The following MTCL1 variants were observed in gnomAD, a reference collection of about 807,000 sequenced individuals.
MTCL1 encodes microtubule cross-linking factor 1.
In MTCL1, 79 loss-of-function variants were observed where a neutral mutation model predicts 141.4. The ratio of observed to expected loss-of-function variants is 0.56; its 90% CI spans 0.47 to 0.67. The LOEUF is 0.67. Among genes scored for constraint, MTCL1 ranks in the 30% least tolerant of loss-of-function variants. MTCL1 has a pLI of 0.00. For missense variants in MTCL1, 2,177 were observed against 2,113.9 expected (o/e 1.03, Z -0.59); for synonymous variants, 914 against 875.8 (o/e 1.04, Z -0.77).
In MTCL1 at chr18:8,786,117, C is replaced by CG. The variant is rs772854015; in HGVS notation, c.1887+26_1887+27insG. 5.7e-5 allele frequency: 79 copies of CG among 1,394,762 alleles called. No homozygotes were observed. In the African/African-American group the frequency reaches 7.0e-4, roughly 12 times the overall value. The allele number at this position is 1,394,762 out of a possible 1,614,324, so 86.4% of individuals were successfully genotyped here. A position where few individuals can be genotyped will look rare whatever the true frequency, so the allele number is the denominator to read the frequency against. On this transcript the variant is annotated intron_variant, in intron 7 of 16. Coordinates refer to ENST00000359865, the Ensembl canonical transcript of MTCL1. The stretch of plus-strand genomic sequence containing the variant: ...GTCAGCGTGGGCAAGCAATCCCCCC[C>CG]CCCCGCCCTCCCCCTCCTTTTTCTG...
At chr18:8,735,825 C>T (rs56694352) in intron 4 of MTCL1, among the ~76,000 whole-genome samples, 2,223 of 152,216 alleles carry the variant, frequency 0.015, 58 homozygotes, top group African/African-American at 0.047. Context: ...GGCGTGCCCC[C>T]GGTCATACAA....
chr18:8,708,372 G>T (rs1026113113), intron 1 of MTCL1, among the ~76,000 whole-genome samples: 5 of 152,160 alleles, frequency 3.3e-5, no homozygotes, highest in Non-Finnish European at 4.4e-5. Flanking sequence ...TTTTCCCAAT[G>T]AATGAAATGT....
Position 8,723,580 on chromosome 18 carries a change from G to C in MTCL1, c.357+3084G>C, listed in dbSNP as rs553997332. 1.5e-3 allele frequency among the ~76,000 whole-genome samples: 227 copies of C among 152,280 alleles called. 2 individuals are homozygous for C. Among genetic ancestry groups the C allele is most frequent in the African/African-American group, 5.2e-3 (216 of 41,552 alleles). ...CTGGAGCCACCACTCCCTTCTCTCT[G>C]AAGCCCTAGACTGTTTTCAGCTGCT... is the stretch of plus-strand genomic sequence containing the variant. On this transcript the variant is annotated intron_variant, in intron 4 of 16. Coordinates refer to ENST00000359865, the Ensembl canonical transcript of MTCL1.
intron 4 of MTCL1, among the ~76,000 whole-genome samples, chr18:8,734,570 A>T (rs950996132): frequency 6.6e-5 from 10 of 151,784 alleles, no homozygotes; most frequent in African/African-American, 2.4e-4. Context: ...CTTTTGCAAA[A>T]CACCCTTTTA....
chr18:8,808,375 G>T (rs901152215), intron 11 of MTCL1, among the ~76,000 whole-genome samples: 2 of 152,178 alleles, frequency 1.3e-5, no homozygotes, highest in African/African-American at 4.8e-5. Flanking sequence ...TGTAATCTTC[G>T]ATGCAAGCCA....
chr18:8,734,211 C>T (rs950840936), intron 4 of MTCL1, among the ~76,000 whole-genome samples: 3 of 151,934 alleles, frequency 2.0e-5, no homozygotes, highest in African/African-American at 7.3e-5. Flanking sequence ...GTAGCACCCC[C>T]CCTCCCCAAT....
chr18:8,718,694 C>T (rs373008249), intron 3 of MTCL1, 46 bp downstream of exon 2: 143 of 1,564,304 alleles, frequency 9.1e-5, no homozygotes, highest in East Asian at 1.3e-4. Flanking sequence ...TGCTGTGGAC[C>T]GGCTGGCCAC....
chr18:8,787,084 T>C (rs191414439), intron 7 of MTCL1: 2 of 152,840 alleles, frequency 1.3e-5, no homozygotes, highest in East Asian at 3.9e-4. Flanking sequence ...TCCTCCTGGA[T>C]TCTTCCTAGG....
chr18:8,795,899 G>A (rs537775078), intron 8 of MTCL1, among the ~76,000 whole-genome samples: 4 of 152,154 alleles, frequency 2.6e-5, no homozygotes, highest in East Asian at 3.9e-4. Flanking sequence ...TGCTTACACC[G>A]GATTCAAGTC....
In MTCL1 at chr18:8,718,322, A is replaced by G. The variant is rs969301936; in HGVS notation, c.-27-102A>G. On this transcript the variant is annotated intron_variant, in intron 2 of 16. Coordinates refer to ENST00000359865, the Ensembl canonical transcript of MTCL1. The stretch of plus-strand genomic sequence containing the variant: ...GCCATGAGGTGATGGGTAAGCGTGT[A>G]GGTATTCAATATTTAGTATTGAGGA... The G allele has an allele frequency of 1.5e-5, 17 of 1,145,316 alleles. No homozygotes were observed. In the Admixed American group the frequency reaches 3.0e-4, roughly 20 times the overall value. The allele number at this position is 1,145,316 out of a possible 1,614,324, so 70.9% of individuals were successfully genotyped here.
intron 9 of MTCL1, among the ~76,000 whole-genome samples, chr18:8,796,858 C>G (rs571181298): frequency 6.6e-6 from 1 of 152,274 alleles, no homozygotes; most frequent in South Asian, 2.1e-4. Context: ...CTGTTGGTTG[C>G]CTACTCAATG....
intron 4 of MTCL1, among the ~76,000 whole-genome samples, chr18:8,737,723 G>A (rs562841020): frequency 1.3e-5 from 2 of 152,298 alleles, no homozygotes; most frequent in South Asian, 4.1e-4. Context: ...TACCCATGGG[G>A]GGAAAGTAGC....
chr18:8,805,264 G>A (rs1051965434), intron 10 of MTCL1, among the ~76,000 whole-genome samples: 5 of 151,880 alleles, frequency 3.3e-5, no homozygotes, highest in East Asian at 1.9e-4. Flanking sequence ...CCCTCTCCTC[G>A]CAACCCCTTT....
At chr18:8,807,177 AAG>A (rs2076329578) in intron 11 of MTCL1, 117 bp downstream of exon 10, 3 of 1,108,576 alleles carry the variant, frequency 2.7e-6, no homozygotes, top group Admixed American at 2.7e-5. Flanking sequence ...CCAGGAAAAA[AAG>A]AGAGGAGTGG....
intron 8 of MTCL1, 147 bp downstream of exon 7, chr18:8,793,267 A>G (rs2075801267): frequency 1.5e-5 from 16 of 1,094,906 alleles, no homozygotes; most frequent in Non-Finnish European, 2.1e-5. Flanking sequence ...CACCCAGTCA[A>G]GCTGTCCCCT....
chr18:8,824,603 T>A (rs2076953747), intron 14 of MTCL1, 96 bp from the exon 14 acceptor site: 1 of 1,106,908 alleles, frequency 9.0e-7, no homozygotes, highest in African/African-American at 1.6e-5. Context: ...AGCGGGTGCC[T>A]TCACTGACAC....
intron 16 of MTCL1, chr18:8,829,755 A>G: frequency 1.0e-6 from 1 of 985,338 alleles, no homozygotes; most frequent in Non-Finnish European, 1.2e-6. Flanking sequence ...AATTCCCAGA[A>G]ACGTGCTACA....
chr18:8,819,274 G>C lies in MTCL1; in HGVS notation c.3156+15G>C. 1 of 1,612,704 alleles carries C rather than the reference G, an allele frequency of 6.2e-7. No homozygotes were observed. On this transcript the variant is annotated intron_variant, in intron 13 of 16. Transcript: ENST00000359865. Reference sequence around the variant, plus strand: ...GCCTCCCTGAGGTCAGCCAGGTTTTGTCCATCCTAGTTAACCACTGTGGAA... The same window carrying C: ...GCCTCCCTGAGGTCAGCCAGGTTTTCTCCATCCTAGTTAACCACTGTGGAA...
At chr18:8,818,634 A>T (rs1490069027) in intron 12 of MTCL1, among the ~76,000 whole-genome samples, 2 of 152,240 alleles carry the variant, frequency 1.3e-5, no homozygotes, top group African/African-American at 4.8e-5. Flanking sequence ...GTATTAGATT[A>T]AAAAATAGTA....
Sources: gnomAD v4.1 joint callset for allele counts (sites outside exome capture counted in the v4.1 genomes callset) on GRCh38, gnomAD v4.1.1 for gene constraint, MANE v1.5 for transcripts, NCBI Gene and HGNC (gene_info 2026-07-23, HGNC 2026-07-21) for gene names.